The following OSBPL10 variants were observed in gnomAD, a reference collection of about 807,000 sequenced individuals.
The protein encoded by OSBPL10 is oxysterol-binding protein-related protein 10.
Under a neutral mutation model 81.7 loss-of-function variants are expected in OSBPL10, and 49 were observed. That is an observed-to-expected ratio of 0.60 (90% CI 0.48 to 0.76). The LOEUF (loss-of-function observed/expected upper bound fraction) is 0.76. Ranked by LOEUF, OSBPL10 falls within the 30% of genes least tolerant of loss-of-function variation. OSBPL10 has a pLI of 0.00. For synonymous variants in OSBPL10, 419 were observed against 383.6 expected (o/e 1.09, Z -1.08); for missense variants, 923 against 987.8 (o/e 0.93, Z 0.88).
intron 4 of OSBPL10, among the ~76,000 whole-genome samples, chr3:31,781,615 A>T (rs1188682971): frequency 6.6e-6 from 1 of 152,258 alleles, no homozygotes; most frequent in African/African-American, 2.4e-5. Context: ...GTTTCAGGAT[A>T]CAAAATCAAT....
intron 1 of OSBPL10, among the ~76,000 whole-genome samples, chr3:31,957,134 C>CA (rs1392113521): frequency 6.6e-6 from 1 of 151,822 alleles, no homozygotes; most frequent in Non-Finnish European, 1.5e-5. Flanking sequence ...GGCCCTGTCT[C>CA]AAAAAATAAA....
intron 4 of OSBPL10, among the ~76,000 whole-genome samples, chr3:31,770,782 G>A (rs139786015): frequency 0.028 from 4,270 of 151,760 alleles, 202 homozygotes; most frequent in African/African-American, 0.097. Context: ...GCAAAACTCT[G>A]TCTCAAAAAA....
intron 1 of OSBPL10, among the ~76,000 whole-genome samples, chr3:32,059,212 C>T (rs759170432): frequency 6.6e-5 from 10 of 152,130 alleles, no homozygotes; most frequent in Non-Finnish European, 1.5e-4. Context: ...AGAAGAATCG[C>T]TTGAACCTGG....
intron 8 of OSBPL10, among the ~76,000 whole-genome samples, chr3:31,681,538 A>C (rs989366327): frequency 6.6e-6 from 1 of 152,174 alleles, no homozygotes; most frequent in African/African-American, 2.4e-5. Flanking sequence ...AAGGTGACGA[A>C]TGACCTCCAT....
At chr3:31,974,574 A>G (rs1391983126) in intron 1 of OSBPL10, among the ~76,000 whole-genome samples, 1 of 152,248 alleles carries the variant, frequency 6.6e-6, no homozygotes, top group East Asian at 1.9e-4. Flanking sequence ...AACAGACCAC[A>G]ACTATACACA....
At chr3:31,768,041 A>G (rs1421949504) in intron 4 of OSBPL10, among the ~76,000 whole-genome samples, 2 of 152,238 alleles carry the variant, frequency 1.3e-5, no homozygotes, top group Non-Finnish European at 2.9e-5. Context: ...GTGCGCTAAA[A>G]AAGAGACAGA....
rs538859806 is a variant in OSBPL10, at chr3:31,801,585, C to T, written c.729+28455G>A. On this transcript the variant is annotated intron_variant, in intron 4 of 11. Coordinates refer to ENST00000396556, the MANE Select transcript of OSBPL10 (RefSeq NM_017784.5). ...CCCTGAGGTCTATCCCTGCAGGAAC[C>T]AAATCTCTAGCTGTGACCGTGTTCA... Among the ~76,000 whole-genome samples, 5 of 152,306 alleles carry T rather than the reference C, an allele frequency of 3.3e-5. No individual in the cohort carries two copies. The East Asian group carries it at 9.6e-4, about 29-fold the overall frequency.
intron 3 of OSBPL10, among the ~76,000 whole-genome samples, chr3:31,860,232 G>A (rs114690178): frequency 1.1e-3 from 164 of 152,260 alleles, no homozygotes; most frequent in African/African-American, 3.8e-3. Context: ...TTCACTGCAC[G>A]AAGCACAGTC....
chr3:31,773,720 G>A (rs543487459), intron 4 of OSBPL10, among the ~76,000 whole-genome samples: 1 of 152,222 alleles, frequency 6.6e-6, no homozygotes, highest in Non-Finnish European at 1.5e-5. Flanking sequence ...GGCTGAGAAT[G>A]TCATGCTTCA....
chr3:31,936,488 A>G (rs537577535), intron 1 of OSBPL10, among the ~76,000 whole-genome samples: 1 of 152,366 alleles, frequency 6.6e-6, no homozygotes, highest in Admixed American at 6.5e-5. Context: ...CTTTCACAAG[A>G]AAGACATTTA....
At chr3:31,980,301 CTCTT>C (rs1698797215) in intron 1 of OSBPL10, among the ~76,000 whole-genome samples, 2 of 152,208 alleles carry the variant, frequency 1.3e-5, no homozygotes, top group South Asian at 4.1e-4. Context: ...CGCGCCCGGC[CTCTT>C]TCTGTTTTTA....
chr3:31,699,720 CCA>C (rs1465890783), intron 7 of OSBPL10, among the ~76,000 whole-genome samples: 1 of 152,218 alleles, frequency 6.6e-6, no homozygotes, highest in African/African-American at 2.4e-5. Context: ...TGTCTGGTAA[CCA>C]CAGTGAACCA....
chr3:31,856,754 G>A (rs1700921106), intron 3 of OSBPL10, among the ~76,000 whole-genome samples: 1 of 152,180 alleles, frequency 6.6e-6, no homozygotes. Flanking sequence ...CGAGTTGAAT[G>A]TAAGATACAC....
At chr3:31,750,041 G>T (rs1019714226) in intron 4 of OSBPL10, among the ~76,000 whole-genome samples, 26 of 150,866 alleles carry the variant, frequency 1.7e-4, no homozygotes, top group Non-Finnish European at 3.1e-4. Flanking sequence ...AATAAGCCAG[G>T]TGTGATGGCG....
At position 32,054,634 on chromosome 3, in the gene OSBPL10, C is replaced by T. The variant is rs573896367; in HGVS notation, n.186-8031G>A. Among the ~76,000 whole-genome samples the T allele has an allele frequency of 1.1e-4, 16 of 142,384 alleles. No individual in the cohort carries two copies. In the East Asian group the frequency reaches 2.6e-3, roughly 23 times the overall value. The allele number at this position is 142,384 out of a possible 152,430, so 93.4% of individuals were successfully genotyped here. ...GCAACCTCTGCCTCCCAGGTTCAAA[C>T]GATTCTCCTGCCTCAGCCTCCCAAG... On this transcript the variant is annotated intron_variant and non_coding_transcript_variant, in intron 1 of 3. Coordinates refer to the OSBPL10 transcript ENST00000479173.
At chr3:31,662,628 T>C (rs1700095464) in intron 11 of OSBPL10, 1 of 989,332 alleles carries the variant, frequency 1.0e-6, no homozygotes, top group Non-Finnish European at 1.2e-6. Flanking sequence ...ATTAATACCA[T>C]CTAGTTATGA....
chr3:31,724,508 T>TTCCTTCCACTATATTCACCTTCCACTATA (rs1696747968), intron 6 of OSBPL10, among the ~76,000 whole-genome samples: 1 of 152,082 alleles, frequency 6.6e-6, no homozygotes, highest in African/African-American at 2.4e-5. Context: ...AAAGGCATGA[T>TTCCTTCCACTATATTCACCTTCCACTATA]TTCGGACCTT....
rs769044200 is a variant in OSBPL10, at chr3:31,662,127, A to G, written c.2251-11T>C. 3.7e-6 allele frequency: 6 copies of G among 1,614,080 alleles called. No individual in the cohort carries two copies. The South Asian group carries it at 6.6e-5, about 18-fold the overall frequency. ...TACCCAGCCATCGCCCTGCAAGAGA[A>G]GAAAGGAGGCATTATTACATGGAGA... On this transcript the variant is annotated splice_polypyrimidine_tract_variant and intron_variant, in intron 11 of 11. Coordinates refer to ENST00000396556, the MANE Select transcript of OSBPL10 (RefSeq NM_017784.5).
At position 31,919,911 on chromosome 3, in the gene OSBPL10, G is replaced by A. The variant is rs1332634160; in HGVS notation, c.282-40081C>T. On this transcript the variant is annotated intron_variant, in intron 1 of 11. Coordinates refer to ENST00000396556, the MANE Select transcript of OSBPL10 (RefSeq NM_017784.5). ...ATAGTGCAGACTGTGAAACATGGAC[G>A]TGTTGTTAAGATAATGCATTTTAGC... 2.6e-5 allele frequency among the ~76,000 whole-genome samples: 4 copies of A among 152,160 alleles called. 1 individual carries two copies. The highest frequency in any genetic ancestry group is 2.0e-4 in the Admixed American group (3 of 15,264).
Sources: gnomAD v4.1 joint callset for allele counts (sites outside exome capture counted in the v4.1 genomes callset) on GRCh38, gnomAD v4.1.1 for gene constraint, MANE v1.5 for transcripts, NCBI Gene and HGNC (gene_info 2026-07-23, HGNC 2026-07-21) for gene names.